ZFPM2: variants seen among roughly 807,000 people sequenced by gnomAD.
The protein encoded by ZFPM2 is zinc finger protein ZFPM2.
A neutral mutation model predicts 98.6 loss-of-function variants in ZFPM2; 20 were observed. That is an observed-to-expected ratio of 0.20 (90% confidence interval 0.14 to 0.29). The LOEUF (loss-of-function observed/expected upper bound fraction) is 0.29, where lower values mean the gene tolerates loss of function less well. Among genes scored for constraint, ZFPM2 ranks in the 10% least tolerant of loss-of-function variants. ZFPM2 has a pLI of 1.00. For missense variants in ZFPM2, 1,310 were observed against 1,388.6 expected, an observed-to-expected ratio of 0.94 and a Z score of 0.90; for synonymous variants, 518 against 502.7, an observed-to-expected ratio of 1.03 and a Z score of -0.41.
intron 3 of ZFPM2, among the ~76,000 whole-genome samples, chr8:105,540,852 A>T (rs560424258): frequency 6.6e-6 from 1 of 152,302 alleles, no homozygotes; most frequent in South Asian, 2.1e-4. Context: ...AGAAGATTGC[A>T]GCTGGAAGTA....
chr8:105,417,524 A>G (rs971100396), intron 1 of ZFPM2, among the ~76,000 whole-genome samples: 1 of 152,142 alleles, frequency 6.6e-6, no homozygotes, highest in Non-Finnish European at 1.5e-5. Flanking sequence ...GAAATATTCT[A>G]TTATAGTTCT....
intron 1 of ZFPM2, among the ~76,000 whole-genome samples, chr8:105,350,463 G>A (rs1812619617): frequency 1.3e-5 from 2 of 152,130 alleles, no homozygotes; most frequent in South Asian, 4.1e-4. Context: ...TAAATAATCA[G>A]ATAAATAAAA....
intron 5 of ZFPM2, among the ~76,000 whole-genome samples, chr8:105,772,402 A>G (rs1202484978): frequency 6.6e-6 from 1 of 152,198 alleles, no homozygotes; most frequent in Non-Finnish European, 1.5e-5. Context: ...ACTGCTAGTT[A>G]TAGACACACC....
chr8:105,785,638 T>A (rs1813393015), intron 5 of ZFPM2, among the ~76,000 whole-genome samples: 1 of 152,202 alleles, frequency 6.6e-6, no homozygotes. Context: ...ACACCATGGC[T>A]CACGCCTGCA....
At chr8:105,547,413 G>A (rs762466129) in intron 3 of ZFPM2, among the ~76,000 whole-genome samples, 10 of 151,722 alleles carry the variant, frequency 6.6e-5, no homozygotes, top group Non-Finnish European at 1.5e-4. Flanking sequence ...GTGGTGGTGG[G>A]CACCTGTAAT....
chr8:105,561,296 CA>C (rs3832566), intron 3 of ZFPM2, 66 bp from the exon 4 acceptor site: 339,812 of 1,229,616 alleles, frequency 0.28, 48,746 homozygotes, highest in Middle Eastern at 0.35. Context: ...AGCAAACACA[CA>C]AAAAGAGGTG....
At chr8:105,319,038 G>C in intron 1 of ZFPM2, 57 bp downstream of exon 1, 1 of 1,461,458 alleles carries the variant, frequency 6.8e-7, no homozygotes, top group Non-Finnish European at 9.1e-7. Context: ...AGCGGGGTGC[G>C]CGGGACGGGA....
intron 5 of ZFPM2, among the ~76,000 whole-genome samples, chr8:105,699,393 T>C (rs1586205901): frequency 6.6e-6 from 1 of 152,172 alleles, no homozygotes; most frequent in East Asian, 1.9e-4. Flanking sequence ...GAGACTTTGG[T>C]CACTCTGATT....
intron 5 of ZFPM2, among the ~76,000 whole-genome samples, chr8:105,700,046 A>T (rs756407601): frequency 1.3e-5 from 2 of 152,208 alleles, no homozygotes; most frequent in East Asian, 1.9e-4. Flanking sequence ...TATTTGATCA[A>T]CCATAAAAGT....
intron 1 of ZFPM2, among the ~76,000 whole-genome samples, chr8:105,345,386 A>G (rs895322919): frequency 6.9e-6 from 1 of 145,116 alleles, no homozygotes; most frequent in Non-Finnish European, 1.5e-5. Flanking sequence ...GATGTGGAGC[A>G]TGATTCTGCG....
intron 3 of ZFPM2, among the ~76,000 whole-genome samples, chr8:105,534,130 CCTTCCTTCCTTT>C (rs1313446805): frequency 8.4e-5 from 6 of 71,142 alleles, no homozygotes; most frequent in South Asian, 7.2e-4. Context: ...TTCCTTCCTC[CCTTCCTTCCTTT>C]CTTCCTTCCT....
intron 4 of ZFPM2, among the ~76,000 whole-genome samples, chr8:105,573,750 T>C (rs1035601401): frequency 6.6e-6 from 1 of 152,178 alleles, no homozygotes; most frequent in African/African-American, 2.4e-5. Flanking sequence ...TTTCTTCTCC[T>C]TTGGTAATTT....
intron 3 of ZFPM2, among the ~76,000 whole-genome samples, chr8:105,455,046 T>C (rs1812560144): frequency 6.6e-6 from 1 of 152,176 alleles, no homozygotes; most frequent in African/African-American, 2.4e-5. Flanking sequence ...AATCTGAAAA[T>C]TCAAAATCCA....
chr8:105,345,425 CTTTT>C lies in ZFPM2; in HGVS notation c.40+26465_40+26468del, dbSNP rs10560485. On this transcript the variant is annotated intron_variant, in intron 1 of 7. Transcript: ENST00000407775. ...ACATATCTAGCTTATTCGTGATGTTCTTTTTTTTTTTTTTTTTTTTTTTTAAGTC... is the reference window on the plus strand; with the variant it reads ...ACATATCTAGCTTATTCGTGATGTTCTTTTTTTTTTTTTTTTTTTTAAGTC... 4.0e-3 allele frequency among the ~76,000 whole-genome samples: 391 copies of C among 98,354 alleles called. 3 individuals carry two copies. The highest frequency in any genetic ancestry group is 0.011 in the Middle Eastern group (1 of 92). The allele number at this position is 98,354 out of a possible 152,430, so 64.5% of individuals were successfully genotyped here.
intron 5 of ZFPM2, among the ~76,000 whole-genome samples, chr8:105,720,813 C>T (rs1424168009): frequency 1.3e-5 from 2 of 151,870 alleles, no homozygotes; most frequent in East Asian, 3.9e-4. Context: ...TAAACCTCAG[C>T]TCACTTCCAC....
At chr8:105,733,262 A>G (rs924006654) in intron 5 of ZFPM2, among the ~76,000 whole-genome samples, 2 of 151,900 alleles carry the variant, frequency 1.3e-5, no homozygotes, top group Non-Finnish European at 2.9e-5. Context: ...ATCTGGCCTC[A>G]TTAAATGAAA....
At chr8:105,706,203 A>G (rs1811255924) in intron 5 of ZFPM2, among the ~76,000 whole-genome samples, 1 of 152,150 alleles carries the variant, frequency 6.6e-6, no homozygotes, top group Admixed American at 6.5e-5. Flanking sequence ...TATTGCTTTT[A>G]AAAGTTATGA....
chr8:105,687,106 T>A (rs1159446582), intron 5 of ZFPM2, among the ~76,000 whole-genome samples: 17 of 152,160 alleles, frequency 1.1e-4, no homozygotes, highest in Non-Finnish European at 1.9e-4. Context: ...TGTTTTTCCC[T>A]TTGTCTGGCT....
rs538838579 is a variant in ZFPM2, at chr8:105,429,622, G to A, written c.199+10320G>A. ...CTGTACTCCTATATTCTGTATTGGT[G>A]GCTGACTCCTAAAGGGAATACCAAA... On this transcript the variant is annotated intron_variant, in intron 2 of 7. Coordinates refer to ENST00000407775, the MANE Select transcript of ZFPM2 (RefSeq NM_012082.4). Among the ~76,000 whole-genome samples, 11 of 151,266 alleles carry A rather than the reference G, an allele frequency of 7.3e-5. No individual in the cohort carries two copies. In the South Asian group the frequency reaches 2.1e-3, roughly 29 times the overall value.
Sources: allele counts gnomAD v4.1 joint callset (sites outside exome capture counted in the v4.1 genomes callset), GRCh38; gene constraint gnomAD v4.1.1; transcripts MANE v1.5; gene names NCBI Gene and HGNC (gene_info 2026-07-23, HGNC 2026-07-21).